The following DAPK2 variants were observed in gnomAD, a reference collection of about 807,000 sequenced individuals.
DAPK2 encodes the protein death associated protein kinase 2, also known as death-associated protein kinase 2.
A neutral mutation model predicts 44.1 loss-of-function variants in DAPK2; 35 were observed. That is an observed-to-expected ratio of 0.79 (90% CI 0.61 to 1.05). The LOEUF is 1.05. DAPK2 is among the 50% of genes least tolerant of loss of function. DAPK2 has a pLI of 0.00. For synonymous variants in DAPK2, 174 were observed against 182.6 expected, an observed-to-expected ratio of 0.95 and a Z score of 0.38; for missense variants, 453 against 483.2, an observed-to-expected ratio of 0.94 and a Z score of 0.59.
At chr15:64,014,005 C>T (rs1191232069) in intron 1 of DAPK2, among the ~76,000 whole-genome samples, 1 of 152,224 alleles carries the variant, frequency 6.6e-6, no homozygotes, top group Non-Finnish European at 1.5e-5. Context: ...GGAGGCTAGG[C>T]TGCCAGAGGC....
chr15:63,983,018 T>C (rs1313654111), intron 2 of DAPK2, among the ~76,000 whole-genome samples: 2 of 152,164 alleles, frequency 1.3e-5, no homozygotes, highest in Non-Finnish European at 2.9e-5. Flanking sequence ...CTCTAAATAA[T>C]AGCTATTATT....
At chr15:63,915,226 T>A (rs2078896356) in intron 8 of DAPK2, among the ~76,000 whole-genome samples, 1 of 152,246 alleles carries the variant, frequency 6.6e-6, no homozygotes, top group African/African-American at 2.4e-5. Context: ...GTTGACTGAA[T>A]CTGAGGATGT....
intron 3 of DAPK2, among the ~76,000 whole-genome samples, chr15:63,958,429 A>G (rs2077789475): frequency 6.6e-6 from 1 of 152,180 alleles, no homozygotes. Context: ...GTCTTTGCCC[A>G]TGTGTATGGC....
chr15:63,986,277 C>T (rs2078666140), intron 1 of DAPK2, among the ~76,000 whole-genome samples: 2 of 152,210 alleles, frequency 1.3e-5, no homozygotes, highest in South Asian at 2.1e-4. Flanking sequence ...AATCAGGGTT[C>T]CCTGCTAGAG....
At chr15:63,974,619 C>T (rs938090316) in intron 2 of DAPK2, among the ~76,000 whole-genome samples, 9 of 152,144 alleles carry the variant, frequency 5.9e-5, no homozygotes, top group African/African-American at 2.2e-4. Context: ...GGTGGCTGCC[C>T]TTGGAGGCAA....
At chr15:64,010,411 T>C (rs2079358524) in intron 1 of DAPK2, among the ~76,000 whole-genome samples, 1 of 152,226 alleles carries the variant, frequency 6.6e-6, no homozygotes, top group Non-Finnish European at 1.5e-5. Context: ...GACTGCTTAG[T>C]GTCCTCTGCC....
intron 3 of DAPK2, chr15:63,942,224 C>A: frequency 2.0e-6 from 2 of 985,358 alleles, no homozygotes; most frequent in Non-Finnish European, 2.4e-6. Flanking sequence ...GGCACACAGT[C>A]CAGGAGAGAT....
chr15:64,016,838 G>GGGAAGGAAGGAAGGAA (rs56666247), intron 1 of DAPK2, among the ~76,000 whole-genome samples: 1 of 118,096 alleles, frequency 8.5e-6, no homozygotes, highest in Non-Finnish European at 1.7e-5. Context: ...GAAGGAAGGA[G>GGGAAGGAAGGAAGGAA]GGAAGGAAGG....
At chr15:64,046,333 CAGGCGCGGCGG>C, upstream of DAPK2, 1 of 207,634 alleles carries the variant, frequency 4.8e-6, no homozygotes. This position sits in a 1 kb window ranked among gnomAD's most constrained non-coding sequence, Gnocchi z 5.3. Flanking sequence ...GCGGCCGCGG[CAGGCGCGGCGG>C]GAGCGGCGGG....
intron 1 of DAPK2, among the ~76,000 whole-genome samples, chr15:64,034,294 T>C (rs1222077023): frequency 3.3e-5 from 5 of 152,190 alleles, no homozygotes; most frequent in Non-Finnish European, 7.3e-5. Context: ...CTAAGCTGAA[T>C]GTGCGGTGGC....
chr15:63,952,942 C>T (rs1465164042), intron 3 of DAPK2, among the ~76,000 whole-genome samples: 3 of 151,966 alleles, frequency 2.0e-5, no homozygotes, highest in Admixed American at 2.0e-4. Flanking sequence ...TCCCTTCCCC[C>T]CACCCCTGGC....
At chr15:63,936,585 G>A (rs1395519324) in intron 4 of DAPK2, among the ~76,000 whole-genome samples, 2 of 152,036 alleles carry the variant, frequency 1.3e-5, no homozygotes, top group African/African-American at 4.8e-5. Flanking sequence ...CACTCCATGG[G>A]TGACAGAGTG....
chr15:63,955,185 T>C (rs1487337206), intron 3 of DAPK2, among the ~76,000 whole-genome samples: 1 of 152,244 alleles, frequency 6.6e-6, no homozygotes, highest in African/African-American at 2.4e-5. Context: ...TCCAGTATTA[T>C]GTTGAATAAC....
chr15:63,959,243 G>A (rs1305218672), intron 3 of DAPK2, among the ~76,000 whole-genome samples: 3 of 152,184 alleles, frequency 2.0e-5, no homozygotes, highest in African/African-American at 7.2e-5. Context: ...ATCAGCTTAA[G>A]GAGATTTTGG....
rs1432449939 is a variant in DAPK2 at position 63,923,265 on chromosome 15, T to C, written c.858+1551A>G. Reference sequence around the variant, plus strand: ...GGCATGCTTGAGTGGCATTTGAGAGTGTACTCTCTCAGGTGCTTGGTCTTC... The same window carrying C: ...GGCATGCTTGAGTGGCATTTGAGAGCGTACTCTCTCAGGTGCTTGGTCTTC... On this transcript the variant is annotated intron_variant, in intron 8 of 10. Coordinates refer to ENST00000261891, the Ensembl canonical transcript of DAPK2. This position sits in a 1 kb window ranked among gnomAD's most constrained non-coding sequence, Gnocchi z 4.2. The C allele has an allele frequency of 2.0e-6, 3 of 1,535,596 alleles. No homozygotes were observed. The highest frequency in any genetic ancestry group is 1.7e-4 in the Middle Eastern group (1 of 6,006).
intron 3 of DAPK2, among the ~76,000 whole-genome samples, chr15:63,954,090 C>G (rs2077660128): frequency 6.6e-6 from 1 of 152,148 alleles, no homozygotes; most frequent in Admixed American, 6.5e-5. Flanking sequence ...TAAATATTTT[C>G]TCCCATTCTG....
intron 2 of DAPK2, among the ~76,000 whole-genome samples, chr15:63,977,118 G>T (rs2078374084): frequency 6.6e-6 from 1 of 152,232 alleles, no homozygotes; most frequent in Admixed American, 6.6e-5. Flanking sequence ...AGGGGAAGGG[G>T]GAAGGTGAAA....
At chr15:63,929,619 C>A in intron 5 of DAPK2, 42 bp from the exon 7 acceptor site, 1 of 1,613,174 alleles carries the variant, frequency 6.2e-7, no homozygotes, top group South Asian at 1.1e-5. Context: ...ACCTGGGTCC[C>A]ATCCCCGACC....
At chr15:64,001,948 A>G (rs2079095891) in intron 1 of DAPK2, among the ~76,000 whole-genome samples, 1 of 152,204 alleles carries the variant, frequency 6.6e-6, no homozygotes. Context: ...TACCTTGGTA[A>G]AGGCAGTATT....
Sources: allele counts gnomAD v4.1 joint callset (sites outside exome capture counted in the v4.1 genomes callset), GRCh38; gene constraint gnomAD v4.1.1; non-coding constraint Gnocchi (gnomAD v3.1); transcripts MANE v1.5; gene names NCBI Gene and HGNC (gene_info 2026-07-23, HGNC 2026-07-21).